Variants in IFT122 observed in about 807,000 individuals in gnomAD.
IFT122 encodes intraflagellar transport protein 122 homolog.
A neutral mutation model predicts 161.6 loss-of-function variants in IFT122; 118 were observed. The ratio of observed to expected loss-of-function variants is 0.73; its 90% CI spans 0.63 to 0.85. The LOEUF (loss-of-function observed/expected upper bound fraction) is 0.85, where lower values mean the gene tolerates loss of function less well. Ranked by LOEUF, IFT122 falls within the 40% of genes least tolerant of loss-of-function variation. The pLI is 0.00. For missense variants in IFT122, 1,381 were observed against 1,579.6 expected, an observed-to-expected ratio of 0.87 and a Z score of 2.13; for synonymous variants, 550 against 602.4, an observed-to-expected ratio of 0.91 and a Z score of 1.27.
intron 17 of IFT122, among the ~76,000 whole-genome samples, chr3:129,494,815 G>C (rs2080642892): frequency 6.6e-6 from 1 of 152,200 alleles, no homozygotes; most frequent in Admixed American, 6.5e-5. Flanking sequence ...ACCCTGACCT[G>C]TTCCTCTTCT....
At chr3:129,512,497 C>A in intron 24 of IFT122, 85 bp downstream of exon 24, 4 of 935,718 alleles carry the variant, frequency 4.3e-6, no homozygotes, top group Non-Finnish European at 5.3e-6. Flanking sequence ...ACTTTCCTGG[C>A]AGAACCTTCC....
chr3:129,519,067 A>G (rs1343758576), intron 27 of IFT122, 40 bp from the exon 28 acceptor site: 1 of 1,567,244 alleles, frequency 6.4e-7, no homozygotes, highest in East Asian at 2.2e-5. Context: ...GTCTGTCTCC[A>G]TCTCTGCTTC....
At chr3:129,514,157 A>G in intron 24 of IFT122, 1 of 652,542 alleles carries the variant, frequency 1.5e-6, no homozygotes, top group South Asian at 1.6e-5. Context: ...AAGCAAGGTT[A>G]AAGTATTAAT....
intron 26 of IFT122, among the ~76,000 whole-genome samples, chr3:129,517,039 GCACA>G (rs747461940): frequency 2.2e-3 from 170 of 76,278 alleles, no homozygotes; most frequent in African/African-American, 5.5e-3. Flanking sequence ...GATTGCTCCT[GCACA>G]CACACACACA....
intron 26 of IFT122, among the ~76,000 whole-genome samples, chr3:129,516,474 CACAT>C (rs2083666802): frequency 7.3e-6 from 1 of 136,542 alleles, no homozygotes; most frequent in African/African-American, 3.1e-5. Flanking sequence ...CCTGCACACA[CACAT>C]GGAGACTGCC....
At chr3:129,500,171 C>T in intron 19 of IFT122, 103 bp downstream of exon 19, 3 of 1,361,966 alleles carry the variant, frequency 2.2e-6, no homozygotes, top group Non-Finnish European at 3.1e-6. Flanking sequence ...TTATCTAAAG[C>T]TAATGTGATA....
At position 129,488,338 on chromosome 3, in the gene IFT122, G is replaced by A. The variant is rs2079571309; in HGVS notation, c.1933G>A (p.Asp645Asn). 2 of 1,614,108 alleles carry A rather than the reference G, an allele frequency of 1.2e-6. No homozygotes were observed. The highest frequency in any genetic ancestry group is 1.7e-6 in the Non-Finnish European group (2 of 1,180,044). Residue 645 changes from aspartate (D) to asparagine (N), a missense_variant, in exon 16 of 30, where the codon GAT (aspartate) becomes AAT (asparagine). Transcript: ENST00000348417. The stretch of plus-strand genomic sequence containing the variant: ...TGCTTGCTTGGGTGTCACAGACACT[G>A]ATTGGCGTGAACTGGCCATGGAAGC... ...QIACLGVTDT[D>N]WRELAMEALE...
chr3:129,478,320 A>G (rs2078207980), intron 12 of IFT122, 102 bp downstream of exon 12: 3 of 947,220 alleles, frequency 3.2e-6, no homozygotes, highest in Non-Finnish European at 5.0e-6. Flanking sequence ...TCACTAGAAA[A>G]CAAGTCTGTT....
At chr3:129,481,049 G>A (rs900416993) in intron 13 of IFT122, among the ~76,000 whole-genome samples, 8 of 152,230 alleles carry the variant, frequency 5.3e-5, no homozygotes, top group Middle Eastern at 3.4e-3. Flanking sequence ...GGGCAACATA[G>A]CAAGACCTTA....
intron 4 of IFT122, chr3:129,459,525 A>G (rs2075941201): frequency 4.2e-6 from 1 of 237,300 alleles, no homozygotes; most frequent in Admixed American, 5.3e-5. Flanking sequence ...TCCTGACTAC[A>G]TCTATTTTTT....
intron 1 of IFT122, among the ~76,000 whole-genome samples, chr3:129,442,116 G>A (rs1417382672): frequency 2.6e-5 from 4 of 152,054 alleles, no homozygotes; most frequent in Non-Finnish European, 5.9e-5. Context: ...ACAAAACACC[G>A]TGTGGGCCAA....
intron 3 of IFT122, among the ~76,000 whole-genome samples, chr3:129,454,554 T>TGTGTGTGC (rs1263418566): frequency 9.3e-5 from 14 of 150,098 alleles, no homozygotes; most frequent in East Asian, 1.9e-4. Context: ...TGTGTGTGTG[T>TGTGTGTGC]GTGCATGTTT....
chr3:129,459,283 TTTTTGTTTTGTTTTG>T, intron 4 of IFT122: 1 of 453,302 alleles, frequency 2.2e-6, no homozygotes, highest in Non-Finnish European at 4.4e-6. Flanking sequence ...CTGCATCTAT[TTTTTGTTTTGTTTTG>T]TTTTGTTTTG....
At chr3:129,467,114 C>G (rs2076887496) in intron 8 of IFT122, 48 bp downstream of exon 8, 2 of 1,558,058 alleles carry the variant, frequency 1.3e-6, no homozygotes, top group African/African-American at 2.7e-5. Flanking sequence ...GGGCCCAGGC[C>G]CCACACAGAC....
At chr3:129,456,129 C>A in intron 3 of IFT122, 1 of 577,276 alleles carries the variant, frequency 1.7e-6, no homozygotes, top group Non-Finnish European at 3.0e-6. Flanking sequence ...GAAAGCTCTT[C>A]AGTAGCTTGT....
rs764349771 is a variant in IFT122, at chr3:129,467,038, G to A, written c.712G>A (p.Glu238Lys). The A allele has an allele frequency of 1.2e-6, 2 of 1,614,132 alleles. No homozygotes were observed. The highest frequency in any genetic ancestry group is 1.1e-5 in the South Asian group (1 of 91,076). ...SEAEEEEPEE[E>K]DDSPRDDNLE... is the part of the protein sequence containing the mutation. ...GGCAGAGGAGGAAGAACCAGAGGAA[G>A]AGGACGACAGTCCCAGGGACGACAA... Residue 238 changes from glutamate (E) to lysine (K), a missense_variant, in exon 8 of 30, where the codon GAG becomes AAG. By Grantham distance (56) the Glu-to-Lys change is moderately conservative. Transcript: ENST00000348417.
At chr3:129,476,864 A>T (rs557696452) in intron 11 of IFT122, 63 bp downstream of exon 11, 1 of 1,601,452 alleles carries the variant, frequency 6.2e-7, no homozygotes, top group East Asian at 2.2e-5. Flanking sequence ...AGGGCTGGTG[A>T]CAGGGCACTT....
rs1397464475 is a variant in IFT122, at chr3:129,517,736, CA to C, written c.3391+143del. ...TGTTCCCAGAGAGATTGGAGAGGCC[CA>C]CATGGGACAGGGACAGGGATCAGAG... On this transcript the variant is annotated intron_variant, in intron 27 of 29. Transcript: ENST00000348417. 5.2e-6 allele frequency: 6 copies of C among 1,156,422 alleles called. No individual in the cohort carries two copies. In the African/African-American group the frequency reaches 9.2e-5, roughly 18 times the overall value. 71.6% of individuals were successfully genotyped at this position (1,156,422 alleles called of 1,614,324 possible).
intron 26 of IFT122, 141 bp downstream of exon 26, chr3:129,515,740 G>A (rs1023461319): frequency 1.4e-4 from 107 of 766,936 alleles, no homozygotes; most frequent in South Asian, 9.2e-4. Flanking sequence ...ACACTCTGAC[G>A]CCCACCTACC....
Sources: allele counts gnomAD v4.1 joint callset (sites outside exome capture counted in the v4.1 genomes callset), GRCh38; gene constraint gnomAD v4.1.1; transcripts MANE v1.5; gene names NCBI Gene and HGNC (gene_info 2026-07-23, HGNC 2026-07-21).